The following MED13L variants were observed in gnomAD, a reference collection of about 807,000 sequenced individuals.
MED13L encodes the protein mediator complex subunit 13L.
Under a neutral mutation model 220.9 loss-of-function variants are expected in MED13L, and 7 were observed. That is an observed-to-expected ratio of 0.03 (90% confidence interval 0.02 to 0.06). The LOEUF (loss-of-function observed/expected upper bound fraction) is 0.06. Among genes scored for constraint, MED13L ranks in the 10% least tolerant of loss-of-function variants. The pLI, the probability that MED13L is intolerant of heterozygous loss-of-function variation, is 1.00. For missense variants in MED13L, 1,965 were observed against 2,760.5 expected, an observed-to-expected ratio of 0.71 and a Z score of 6.46; for synonymous variants, 1,011 against 1,015.2, an observed-to-expected ratio of 1.00 and a Z score of 0.08.
intron 4 of MED13L, among the ~76,000 whole-genome samples, chr12:116,057,103 G>C (rs189655331): frequency 3.9e-4 from 60 of 152,278 alleles, no homozygotes; most frequent in African/African-American, 1.4e-3. Context: ...ATCAGAAGCC[G>C]AATCCCTGAA....
chr12:116,031,741 AAAAGAAAAGAAAAGAAAAGAAGGAAGG>A lies in MED13L; in HGVS notation c.480-9167_480-9141del, dbSNP rs1566020755. Among the ~76,000 whole-genome samples the A allele has an allele frequency of 1.1e-4, 7 of 66,328 alleles. 1 individual carries two copies. The highest frequency in any genetic ancestry group is 5.0e-4 in the African/African-American group (5 of 9,964). 43.5% of individuals were successfully genotyped at this position (66,328 alleles called of 152,430 possible). On this transcript the variant is annotated intron_variant, in intron 4 of 30. Coordinates refer to ENST00000281928, the MANE Select transcript of MED13L (RefSeq NM_015335.5). ...AAAAGAAAAGAAAAGAAAAGAAAAG[AAAAGAAAAGAAAAGAAAAGAAGGAAGG>A]AAGGAAGGAAGGAAGGAAGGAAGGA...
chr12:116,151,131 A>G (rs1028993939), intron 2 of MED13L, among the ~76,000 whole-genome samples: 9 of 152,090 alleles, frequency 5.9e-5, no homozygotes, highest in Non-Finnish European at 8.8e-5. Context: ...CAGAGAATAA[A>G]CTAGTCCCAT....
intron 2 of MED13L, among the ~76,000 whole-genome samples, chr12:116,118,192 G>A (rs1489907877): frequency 6.6e-6 from 1 of 152,002 alleles, no homozygotes; most frequent in Non-Finnish European, 1.5e-5. Context: ...TATTCTGTAA[G>A]TATATAACAT....
intron 4 of MED13L, among the ~76,000 whole-genome samples, chr12:116,050,653 T>C (rs974417265): frequency 1.3e-5 from 2 of 152,142 alleles, no homozygotes; most frequent in Non-Finnish European, 2.9e-5. Flanking sequence ...TTTACATCCA[T>C]TGGCCGGGCA....
At chr12:116,199,352 AAG>A (rs1169346358) in intron 2 of MED13L, among the ~76,000 whole-genome samples, 1 of 152,184 alleles carries the variant, frequency 6.6e-6, no homozygotes, top group Non-Finnish European at 1.5e-5. Context: ...GAAAATCAAA[AAG>A]AGAGTTTACA....
At chr12:115,964,890 A>C (rs940950328) in intron 29 of MED13L, among the ~76,000 whole-genome samples, 1 of 152,232 alleles carries the variant, frequency 6.6e-6, no homozygotes, top group African/African-American at 2.4e-5. Flanking sequence ...ATTCGTGGCA[A>C]CAGAGGTGTT....
At chr12:116,164,960 T>C (rs1354759651) in intron 2 of MED13L, among the ~76,000 whole-genome samples, 1 of 152,184 alleles carries the variant, frequency 6.6e-6, no homozygotes, top group Non-Finnish European at 1.5e-5. Context: ...CATAAACCAA[T>C]TAAAGATCAC....
At chr12:116,253,578 GTAA>G (rs764451811) in intron 1 of MED13L, among the ~76,000 whole-genome samples, 2 of 151,808 alleles carry the variant, frequency 1.3e-5, no homozygotes, top group Non-Finnish European at 1.5e-5. Context: ...CTAATAACAC[GTAA>G]TAATAATACC....
chr12:116,219,436 A>C (rs1467537540), intron 2 of MED13L, among the ~76,000 whole-genome samples: 1 of 152,178 alleles, frequency 6.6e-6, no homozygotes, highest in Non-Finnish European at 1.5e-5. Context: ...AAATAAATTT[A>C]TTTCTGAAGA....
At chr12:116,057,686 T>C (rs937098328) in intron 4 of MED13L, among the ~76,000 whole-genome samples, 5 of 151,844 alleles carry the variant, frequency 3.3e-5, no homozygotes, top group Non-Finnish European at 7.4e-5. Flanking sequence ...TAGACAGCCC[T>C]AAAGTCTATT....
chr12:115,978,369 G>A (rs7138932), intron 23 of MED13L, among the ~76,000 whole-genome samples: 431 of 140,630 alleles, frequency 3.1e-3, no homozygotes, highest in African/African-American at 0.011. Flanking sequence ...CTCTGTCGCC[G>A]AGACTGGAGT....
chr12:116,244,253 GAA>G (rs1018324285), intron 1 of MED13L, among the ~76,000 whole-genome samples: 1 of 152,012 alleles, frequency 6.6e-6, no homozygotes, highest in South Asian at 2.1e-4. Flanking sequence ...TCAGAGGAAG[GAA>G]AAAAGTCACA....
intron 2 of MED13L, among the ~76,000 whole-genome samples, chr12:116,194,465 A>ACC (rs1485949317): frequency 6.6e-6 from 1 of 152,066 alleles, no homozygotes; most frequent in Admixed American, 6.6e-5. Flanking sequence ...ACTCCCAGCC[A>ACC]CCCCTACTTC....
intron 22 of MED13L, chr12:115,982,076 A>C (rs1877367892): frequency 3.2e-6 from 1 of 309,670 alleles, no homozygotes; most frequent in Admixed American, 4.8e-5. Context: ...AATTTAATCA[A>C]AACTTTGTAT....
At chr12:116,205,802 C>A (rs545388116) in intron 2 of MED13L, among the ~76,000 whole-genome samples, 1 of 151,966 alleles carries the variant, frequency 6.6e-6, no homozygotes, top group Non-Finnish European at 1.5e-5. Flanking sequence ...TAACACTTCC[C>A]GCTCTGAGGA....
intron 2 of MED13L, among the ~76,000 whole-genome samples, chr12:116,193,147 CAAA>C: frequency 6.6e-6 from 1 of 151,028 alleles, no homozygotes; most frequent in Admixed American, 6.6e-5. Flanking sequence ...ACAACAACAA[CAAA>C]AAAAACAAAA....
chr12:116,227,873 C>A (rs1869160044), intron 2 of MED13L, among the ~76,000 whole-genome samples: 1 of 151,950 alleles, frequency 6.6e-6, no homozygotes, highest in Non-Finnish European at 1.5e-5. Context: ...CCAAGATAGG[C>A]TGAAAACTAG....
At chr12:116,023,129 C>A (rs1880161666) in intron 4 of MED13L, among the ~76,000 whole-genome samples, 1 of 151,990 alleles carries the variant, frequency 6.6e-6, no homozygotes, top group African/African-American at 2.4e-5. Flanking sequence ...TCATCTCCAC[C>A]AAAAATAAAT....
intron 2 of MED13L, among the ~76,000 whole-genome samples, chr12:116,126,178 T>TG (rs1340490673): frequency 6.6e-6 from 1 of 152,234 alleles, no homozygotes; most frequent in East Asian, 1.9e-4. Flanking sequence ...TACTTCATGT[T>TG]GGTGTTTCAA....
Sources: allele counts gnomAD v4.1 joint callset (sites outside exome capture counted in the v4.1 genomes callset), GRCh38; gene constraint gnomAD v4.1.1; transcripts MANE v1.5; gene names NCBI Gene and HGNC (gene_info 2026-07-23, HGNC 2026-07-21).